Variants in SULT1E1 observed in about 807,000 individuals in gnomAD.
SULT1E1 encodes the protein sulfotransferase 1E1.
In SULT1E1, 36 loss-of-function variants were observed where a neutral mutation model predicts 33.6. The ratio of observed to expected loss-of-function variants is 1.07; its 90% CI spans 0.82 to 1.41. The LOEUF is 1.41. Ranked by LOEUF, SULT1E1 falls within the 40% of genes most tolerant of loss-of-function variation. The pLI, the probability that SULT1E1 is intolerant of heterozygous loss-of-function variation, is 0.00. For synonymous variants in SULT1E1, 121 were observed against 111.7 expected (o/e 1.08, Z -0.53); for missense variants, 371 against 345.7 (o/e 1.07, Z -0.58).
At chr4:69,829,903 C>T in the SULT1E1 span, among the ~76,000 whole-genome samples, 1 of 152,132 alleles carries the variant, frequency 6.6e-6, no homozygotes, top group African/African-American at 2.4e-5. Context: ...TCCTGGAGGC[C>T]CAAAGAGATG....
At chr4:69,835,685 A>C in the SULT1E1 span, among the ~76,000 whole-genome samples, 2 of 152,238 alleles carry the variant, frequency 1.3e-5, no homozygotes, top group African/African-American at 4.8e-5. Context: ...ATTTCAAACT[A>C]ATAATAATAG....
intron 4 of SULT1E1, 149 bp from the exon 5 acceptor site, chr4:69,849,712 A>G: frequency 1.4e-6 from 1 of 691,076 alleles, no homozygotes; most frequent in Admixed American, 3.7e-5. Flanking sequence ...ATTATTTATA[A>G]AGACATCTTC....
At chr4:69,826,305 T>G in the SULT1E1 span, among the ~76,000 whole-genome samples, 8 of 152,110 alleles carry the variant, frequency 5.3e-5, no homozygotes, top group Non-Finnish European at 1.2e-4. Context: ...AATGTGTCGG[T>G]AAGGGCCACT....
chr4:69,857,042 G>A (rs1721255892), intron 2 of SULT1E1, among the ~76,000 whole-genome samples: 4 of 151,064 alleles, frequency 2.6e-5, no homozygotes, highest in South Asian at 2.1e-4. Flanking sequence ...ATATGAATTC[G>A]GACTAGTCTA....
At chr4:69,845,032 A>G (rs1367330165) in intron 6 of SULT1E1, among the ~76,000 whole-genome samples, 1 of 152,074 alleles carries the variant, frequency 6.6e-6, no homozygotes, top group African/African-American at 2.4e-5. Context: ...CAACTTATTT[A>G]GGATAATATC....
the SULT1E1 span, among the ~76,000 whole-genome samples, chr4:69,827,389 T>C: frequency 1.3e-5 from 2 of 152,106 alleles, no homozygotes; most frequent in African/African-American, 2.4e-5. Context: ...ACTCAGATCA[T>C]GGGGACTGGA....
At chr4:69,822,876 A>G in the SULT1E1 span, among the ~76,000 whole-genome samples, 9 of 152,198 alleles carry the variant, frequency 5.9e-5, no homozygotes, top group Middle Eastern at 3.2e-3. Flanking sequence ...TAAAGAAAAA[A>G]GTGAAAAAAA....
chr4:69,837,970 C>T (rs974503696), downstream of SULT1E1, among the ~76,000 whole-genome samples: 1 of 152,132 alleles, frequency 6.6e-6, no homozygotes, highest in African/African-American at 2.4e-5. Context: ...GGTTATAGGA[C>T]TATTCAGGTA....
intron 7 of SULT1E1, among the ~76,000 whole-genome samples, chr4:69,842,481 A>G (rs1398493023): frequency 1.3e-5 from 2 of 152,206 alleles, no homozygotes; most frequent in African/African-American, 4.8e-5. Context: ...TTTATATACA[A>G]CTGCCTACAT....
At chr4:69,829,388 T>G in the SULT1E1 span, among the ~76,000 whole-genome samples, 8 of 152,328 alleles carry the variant, frequency 5.3e-5, no homozygotes, top group South Asian at 1.7e-3. Context: ...GAGTTGCTCC[T>G]GGTTTTAAGT....
chr4:69,822,877 G>A, the SULT1E1 span, among the ~76,000 whole-genome samples: 131 of 147,766 alleles, frequency 8.9e-4, 1 homozygote, highest in African/African-American at 3.4e-3. Flanking sequence ...AAAGAAAAAA[G>A]TGAAAAAAAA....
the SULT1E1 span, among the ~76,000 whole-genome samples, chr4:69,828,173 C>G: frequency 4.6e-5 from 7 of 152,220 alleles, no homozygotes; most frequent in Non-Finnish European, 8.8e-5. Flanking sequence ...GTGTTAATCT[C>G]CTGTCCTTGA....
At chr4:69,846,500 A>G (rs1720980248) in intron 6 of SULT1E1, among the ~76,000 whole-genome samples, 1 of 151,360 alleles carries the variant, frequency 6.6e-6, no homozygotes, top group African/African-American at 2.4e-5. Context: ...AATAAAATAC[A>G]TTATATATGG....
chr4:69,854,152 T>C (rs1323784701), intron 4 of SULT1E1, 65 bp downstream of exon 4: 1 of 1,163,728 alleles, frequency 8.6e-7, no homozygotes. Context: ...TGTGTATAAC[T>C]GATGAGATCA....
intron 4 of SULT1E1, among the ~76,000 whole-genome samples, chr4:69,851,629 T>A (rs984661974): frequency 1.3e-5 from 2 of 152,182 alleles, no homozygotes; most frequent in African/African-American, 4.8e-5. Context: ...ACTGGGTATA[T>A]ACCCAAAGGA....
the SULT1E1 span, among the ~76,000 whole-genome samples, chr4:69,830,336 A>G: frequency 6.6e-6 from 1 of 152,226 alleles, no homozygotes; most frequent in Non-Finnish European, 1.5e-5. Context: ...GAAATCTTCC[A>G]TCTTCTGCAA....
At chr4:69,828,954 G>C in the SULT1E1 span, among the ~76,000 whole-genome samples, 1 of 152,180 alleles carries the variant, frequency 6.6e-6, no homozygotes, top group Non-Finnish European at 1.5e-5. Flanking sequence ...TAAGATCTGA[G>C]GCCAGTGTCT....
chr4:69,830,284 C>A, the SULT1E1 span, among the ~76,000 whole-genome samples: 6 of 152,230 alleles, frequency 3.9e-5, no homozygotes, highest in African/African-American at 1.4e-4. Flanking sequence ...TAATGTACAC[C>A]TTGGTGGCTA....
At chr4:69,828,228 C>A in the SULT1E1 span, among the ~76,000 whole-genome samples, 3 of 152,228 alleles carry the variant, frequency 2.0e-5, no homozygotes, top group Admixed American at 2.0e-4. Context: ...CCCAAGCCAG[C>A]AGCGGCAACC....
Sources: gnomAD v4.1 joint callset for allele counts (sites outside exome capture counted in the v4.1 genomes callset) on GRCh38, gnomAD v4.1.1 for gene constraint, MANE v1.5 for transcripts, NCBI Gene and HGNC (gene_info 2026-07-23, HGNC 2026-07-21) for gene names.